The following TCF4 variants were observed in gnomAD, a reference collection of about 807,000 sequenced individuals.
The protein encoded by TCF4 is transcription factor 4.
TCF4 carries 3 observed loss-of-function variants against 82.1 expected under a neutral mutation model. The observed-to-expected ratio is 0.04, with a 90% CI of 0.02 to 0.09. TCF4 has a LOEUF of 0.09. Ranked by LOEUF, TCF4 falls within the 10% of genes least tolerant of loss-of-function variation. The pLI is 1.00. For missense variants in TCF4, 518 were observed against 852.7 expected, an observed-to-expected ratio of 0.61 and a Z score of 4.89; for synonymous variants, 276 against 309.6, an observed-to-expected ratio of 0.89 and a Z score of 1.14.
At chr18:55,564,972 T>C (rs866020804) in intron 3 of TCF4, among the ~76,000 whole-genome samples, 1 of 152,170 alleles carries the variant, frequency 6.6e-6, no homozygotes, top group African/African-American at 2.4e-5. Context: ...TGCACCAAAC[T>C]GCCTCTCAAT....
At chr18:55,427,486 A>T (rs1009559080) in intron 5 of TCF4, among the ~76,000 whole-genome samples, 1 of 152,232 alleles carries the variant, frequency 6.6e-6, no homozygotes, top group African/African-American at 2.4e-5. Context: ...TCTGAGAGTC[A>T]AACCGCCTGG....
At chr18:55,296,001 C>T (rs1002551044) in intron 8 of TCF4, among the ~76,000 whole-genome samples, 3 of 152,122 alleles carry the variant, frequency 2.0e-5, no homozygotes, top group Non-Finnish European at 4.4e-5. Flanking sequence ...TATATTCTAA[C>T]AGCTCACTCA....
chr18:55,349,043 A>AT (rs1169736815), intron 8 of TCF4, among the ~76,000 whole-genome samples: 2 of 152,190 alleles, frequency 1.3e-5, no homozygotes, highest in African/African-American at 4.8e-5. Context: ...TCCTTTGGGC[A>AT]TATTAGTCAA....
intron 5 of TCF4, among the ~76,000 whole-genome samples, chr18:55,455,699 T>C (rs1452098138): frequency 6.6e-6 from 1 of 152,196 alleles, no homozygotes; most frequent in Admixed American, 6.5e-5. Flanking sequence ...TAAAGATTAT[T>C]TGACCTTTGG....
chr18:55,270,270 C>T (rs759632331), intron 10 of TCF4, among the ~76,000 whole-genome samples: 2 of 152,042 alleles, frequency 1.3e-5, no homozygotes, highest in Non-Finnish European at 2.9e-5. Flanking sequence ...GTTTCGGCAA[C>T]ATAAAAGACC....
At chr18:55,443,266 T>A (rs2095472387) in intron 5 of TCF4, among the ~76,000 whole-genome samples, 1 of 152,186 alleles carries the variant, frequency 6.6e-6, no homozygotes, top group Non-Finnish European at 1.5e-5. Context: ...CCCTGTGAGC[T>A]CACACATCAC....
chr18:55,597,900 T>C (rs1393191587), intron 2 of TCF4, among the ~76,000 whole-genome samples: 1 of 152,142 alleles, frequency 6.6e-6, no homozygotes, highest in Non-Finnish European at 1.5e-5. Flanking sequence ...TCTAGTCAGT[T>C]AAGCATAGGA....
chr18:55,631,312 G>A (rs1306347941), exon 2 of TCF4: 1 of 1,514,562 alleles, frequency 6.6e-7, no homozygotes, highest in East Asian at 2.5e-5. Flanking sequence ...GCCTCCCAAA[G>A]TGCTGGGATT....
intron 3 of TCF4, among the ~76,000 whole-genome samples, chr18:55,542,699 A>G (rs1251335249): frequency 6.6e-6 from 1 of 151,970 alleles, no homozygotes; most frequent in African/African-American, 2.4e-5. Context: ...GCCATGTATT[A>G]GCACTGCAAT....
chr18:55,577,774 T>G (rs1422782492), intron 3 of TCF4, among the ~76,000 whole-genome samples: 3 of 152,150 alleles, frequency 2.0e-5, no homozygotes, highest in Non-Finnish European at 1.5e-5. Context: ...CAGAACATTC[T>G]AAGGGGTATC....
intron 13 of TCF4, among the ~76,000 whole-genome samples, chr18:55,258,417 G>C (rs1420462803): frequency 1.3e-5 from 2 of 152,050 alleles, no homozygotes; most frequent in South Asian, 2.1e-4. Context: ...CTCAGGTCGA[G>C]GGAATTTGTG....
chr18:55,447,574 G>T (rs544060356), intron 5 of TCF4, among the ~76,000 whole-genome samples: 1 of 152,250 alleles, frequency 6.6e-6, no homozygotes, highest in South Asian at 2.1e-4. Flanking sequence ...AGACTCATTT[G>T]AGTATTGAAG....
At chr18:55,237,674 C>T (rs755042474) in intron 15 of TCF4, among the ~76,000 whole-genome samples, 30 of 152,002 alleles carry the variant, frequency 2.0e-4, no homozygotes, top group Non-Finnish European at 3.5e-4. Flanking sequence ...GTGTCTATTC[C>T]AGGTCATGTG....
At chr18:55,434,763 C>CGTGTGTGTGTGTGTGTGTGTGTGTGTGT (rs527450659) in intron 5 of TCF4, among the ~76,000 whole-genome samples, 6 of 131,722 alleles carry the variant, frequency 4.6e-5, no homozygotes, top group Admixed American at 7.9e-5. Context: ...CTCAAGTATT[C>CGTGTGTGTGTGTGTGTGTGTGTGTGTGT]GTGTGTGTGT....
At chr18:55,438,527 T>C (rs1299592936) in intron 5 of TCF4, among the ~76,000 whole-genome samples, 1 of 152,162 alleles carries the variant, frequency 6.6e-6, no homozygotes, top group Non-Finnish European at 1.5e-5. Context: ...CCTTCTCCAT[T>C]GGATGAAGTC....
chr18:55,291,939 G>A (rs963524774), intron 8 of TCF4, among the ~76,000 whole-genome samples: 1 of 152,116 alleles, frequency 6.6e-6, no homozygotes, highest in Admixed American at 6.5e-5. Flanking sequence ...AACCATATGA[G>A]CTAAAGAAAT....
At chr18:55,267,111 T>C (rs189979042) in intron 11 of TCF4, 1 of 152,318 alleles carries the variant, frequency 6.6e-6, no homozygotes, top group East Asian at 1.9e-4. Context: ...GTGATGTCCA[T>C]GTGTTAGTGC....
chr18:55,239,763 T>C (rs903646555), intron 15 of TCF4, among the ~76,000 whole-genome samples: 1 of 152,236 alleles, frequency 6.6e-6, no homozygotes, highest in Non-Finnish European at 1.5e-5. Flanking sequence ...GCTGTTTTTA[T>C]ATGGAGATGC....
intron 1 of TCF4, chr18:55,631,501 G>C: frequency 4.6e-6 from 5 of 1,083,676 alleles, no homozygotes; most frequent in Non-Finnish European, 6.5e-6. Flanking sequence ...TTAGGGTAAT[G>C]CCCTACAGGG....
Sources: allele counts gnomAD v4.1 joint callset (sites outside exome capture counted in the v4.1 genomes callset), GRCh38; gene constraint gnomAD v4.1.1; transcripts MANE v1.5; gene names NCBI Gene and HGNC (gene_info 2026-07-23, HGNC 2026-07-21).